Variants in ARHGEF3 observed in about 807,000 individuals in gnomAD.
The protein encoded by ARHGEF3 is Rho guanine nucleotide exchange factor 3, also known as 59.8 kDA protein.
In ARHGEF3, 28 loss-of-function variants were observed where a neutral mutation model predicts 63.2. The observed-to-expected ratio is 0.44, with a 90% confidence interval of 0.33 to 0.61. The LOEUF (loss-of-function observed/expected upper bound fraction) is 0.61, where lower values mean the gene tolerates loss of function less well. Ranked by LOEUF, ARHGEF3 falls within the 20% of genes least tolerant of loss-of-function variation. The probability of loss-of-function intolerance (pLI) is 0.03; values close to 1 mark genes in which losing one functional copy is unlikely to be tolerated. For missense variants in ARHGEF3, 533 were observed against 659.3 expected, an observed-to-expected ratio of 0.81 and a Z score of 2.10; for synonymous variants, 266 against 254.2, an observed-to-expected ratio of 1.05 and a Z score of -0.44.
rs750597803 is a variant in ARHGEF3, at chr3:56,753,536, C to A, written c.406G>T (p.Asp136Tyr). 1 of 1,613,880 alleles carries A rather than the reference C, an allele frequency of 6.2e-7. No individual in the cohort carries two copies. Among genetic ancestry groups the A allele is most frequent in the Non-Finnish European group, 8.5e-7 (1 of 1,179,978 alleles). Residue 136 changes from aspartate to tyrosine, a missense_variant, in exon 4 of 10, where the codon GAC (aspartate) becomes TAC (tyrosine). This residue lies in a region of ARHGEF3 where 107 missense variants were observed against 207.9 expected (regional missense o/e 0.51). Coordinates refer to ENST00000296315, the MANE Select transcript of ARHGEF3 (RefSeq NM_019555.3). ...GCTAATTTCAAGTCTTCTATCAAGT[C>A]TTCTTCTCCTTGGGAAAGCTCAAAG... ...AIFELSQGEE[D>Y]LIEDLKLAKK...
At chr3:56,805,377 G>C (rs1329777656), upstream of ARHGEF3, among the ~76,000 whole-genome samples, 1 of 152,150 alleles carries the variant, frequency 6.6e-6, no homozygotes, top group East Asian at 1.9e-4. Context: ...TGGGACTACA[G>C]GCACACGTCA....
intron 3 of ARHGEF3, among the ~76,000 whole-genome samples, chr3:56,917,582 T>G (rs1166136705): frequency 1.3e-5 from 2 of 151,974 alleles, no homozygotes; most frequent in Non-Finnish European, 2.9e-5. Context: ...TTGCCAGAAA[T>G]TTGCAAAAAG....
chr3:57,066,378 C>T (rs1705539268), intron 1 of ARHGEF3, among the ~76,000 whole-genome samples: 1 of 152,154 alleles, frequency 6.6e-6, no homozygotes, highest in African/African-American at 2.4e-5. Context: ...TCACCTGCCT[C>T]AGCCTCCCAA....
chr3:56,813,724 A>T (rs2038157358), intron 4 of ARHGEF3, among the ~76,000 whole-genome samples: 1 of 151,980 alleles, frequency 6.6e-6, no homozygotes. Flanking sequence ...CCACCCATTT[A>T]AAAAAAACCT....
At chr3:56,777,867 A>T (rs1202071247) in intron 1 of ARHGEF3, among the ~76,000 whole-genome samples, 1 of 152,186 alleles carries the variant, frequency 6.6e-6, no homozygotes, top group Non-Finnish European at 1.5e-5. Flanking sequence ...CAGCTGCTTT[A>T]CATCTGGCCA....
At position 56,767,740 on chromosome 3, in the gene ARHGEF3, G is replaced by GTATT. The variant is rs564485330; in HGVS notation, c.204+5965_204+5968dup. Among the ~76,000 whole-genome samples the GTATT allele has an allele frequency of 7.3e-4, 111 of 151,552 alleles. 1 individual carries two copies. The highest frequency in any genetic ancestry group is 2.3e-3 in the African/African-American group (94 of 41,250). On this transcript the variant is annotated intron_variant, in intron 2 of 9. Transcript: ENST00000296315. ...TTTATGTGCTTCACTATATTTTTCA[G>GTATT]TATTTATTTATTTATTTATTTATTT...
At chr3:56,936,482 G>A (rs1022389697) in intron 3 of ARHGEF3, among the ~76,000 whole-genome samples, 5 of 152,164 alleles carry the variant, frequency 3.3e-5, no homozygotes, top group East Asian at 1.9e-4. Flanking sequence ...TCTCATCAGC[G>A]TCTACCCTGC....
chr3:56,966,955 C>A (rs1231408777), intron 2 of ARHGEF3, among the ~76,000 whole-genome samples: 1 of 150,870 alleles, frequency 6.6e-6, no homozygotes, highest in Non-Finnish European at 1.5e-5. Flanking sequence ...CCTCCACCTC[C>A]TGGGTTCAAG....
rs571725733 is a variant in ARHGEF3 at position 56,951,291 on chromosome 3, G to A, written c.129+7532C>T. ...CTTAAAGTATAAAAAAAAAAAGAAA[G>A]GAAAGAAAAAAAAGAAAGAAATTGC... is the stretch of plus-strand genomic sequence containing the variant. On this transcript the variant is annotated intron_variant, in intron 3 of 12. Coordinates refer to the ARHGEF3 transcript ENST00000338458. 2.6e-5 allele frequency among the ~76,000 whole-genome samples: 4 copies of A among 151,192 alleles called. No individual in the cohort carries two copies. In the South Asian group the frequency reaches 8.4e-4, roughly 32 times the overall value.
At chr3:57,074,565 A>G (rs1250140925) in intron 1 of ARHGEF3, 2 of 337,072 alleles carry the variant, frequency 5.9e-6, no homozygotes, top group Non-Finnish European at 1.1e-5. Context: ...CAATTGATCA[A>G]TCAATCGATC....
intron 2 of ARHGEF3, among the ~76,000 whole-genome samples, chr3:56,965,459 T>C (rs928461832): frequency 6.6e-6 from 1 of 152,086 alleles, no homozygotes; most frequent in Non-Finnish European, 1.5e-5. Context: ...TAATGGATTC[T>C]ACCGAACTTT....
intron 2 of ARHGEF3, among the ~76,000 whole-genome samples, chr3:56,967,805 T>C (rs1223936245): frequency 1.4e-5 from 1 of 68,982 alleles, no homozygotes; most frequent in Non-Finnish European, 2.4e-5. Flanking sequence ...ACATATTATA[T>C]AATATATATT....
intron 4 of ARHGEF3, among the ~76,000 whole-genome samples, chr3:56,818,351 T>G (rs1346229851): frequency 1.3e-5 from 2 of 152,214 alleles, no homozygotes; most frequent in East Asian, 3.8e-4. Context: ...CAAAGCTATG[T>G]TTGCACAGCG....
chr3:56,815,541 G>A (rs1578586997), intron 4 of ARHGEF3, among the ~76,000 whole-genome samples: 1 of 152,160 alleles, frequency 6.6e-6, no homozygotes, highest in Admixed American at 6.5e-5. Flanking sequence ...AAATGCATAT[G>A]CATATAGATT....
chr3:56,785,071 A>G (rs1243748657), intron 1 of ARHGEF3, among the ~76,000 whole-genome samples: 2 of 152,090 alleles, frequency 1.3e-5, no homozygotes, highest in Admixed American at 6.6e-5. Flanking sequence ...GCCCTCTTCT[A>G]TTCCCTGCAG....
chr3:56,856,290 A>G (rs2039879597), intron 4 of ARHGEF3, among the ~76,000 whole-genome samples: 1 of 152,236 alleles, frequency 6.6e-6, no homozygotes, highest in Non-Finnish European at 1.5e-5. Context: ...TATGTCTAGT[A>G]TCTGTCTATA....
At chr3:57,040,675 G>T (rs570342023) in intron 1 of ARHGEF3, among the ~76,000 whole-genome samples, 3 of 151,756 alleles carry the variant, frequency 2.0e-5, no homozygotes, top group African/African-American at 7.3e-5. Flanking sequence ...AGTTATGACC[G>T]GTGCCCTTCT....
intron 1 of ARHGEF3, among the ~76,000 whole-genome samples, chr3:57,076,441 A>G (rs1484157493): frequency 6.6e-6 from 1 of 152,172 alleles, no homozygotes; most frequent in Non-Finnish European, 1.5e-5. Context: ...AAGGACTAGA[A>G]TGATAGCATG....
At chr3:56,975,575 A>T (rs1560101509) in intron 2 of ARHGEF3, among the ~76,000 whole-genome samples, 1 of 152,230 alleles carries the variant, frequency 6.6e-6, no homozygotes, top group Non-Finnish European at 1.5e-5. Flanking sequence ...CTCCCACTTT[A>T]CAGGTGAAAA....
Sources: gnomAD v4.1 joint callset for allele counts (sites outside exome capture counted in the v4.1 genomes callset) on GRCh38, gnomAD v4.1.1 for gene constraint, gnomAD v4.1.1 regional missense constraint, MANE v1.5 for transcripts, NCBI Gene and HGNC (gene_info 2026-07-23, HGNC 2026-07-21) for gene names.